FYN: variants seen among roughly 807,000 people sequenced by gnomAD.
FYN encodes the protein tyrosine-protein kinase Fyn.
Under a neutral mutation model 70.2 loss-of-function variants are expected in FYN, and 10 were observed. The ratio of observed to expected loss-of-function variants is 0.14; its 90% CI spans 0.09 to 0.24. FYN has a LOEUF of 0.24. Ranked by LOEUF, FYN falls within the 10% of genes least tolerant of loss-of-function variation. FYN has a pLI of 1.00. For synonymous variants in FYN, 236 were observed against 248.6 expected, an observed-to-expected ratio of 0.95 and a Z score of 0.48; for missense variants, 319 against 673.1, an observed-to-expected ratio of 0.47 and a Z score of 5.82.
In FYN at chr6:111,685,733, T is replaced by C. The variant is rs1320915048; in HGVS notation, c.1273+8642A>G. Among the ~76,000 whole-genome samples the C allele has an allele frequency of 2.0e-5, 3 of 152,204 alleles. No homozygotes were observed. The East Asian group carries it at 5.8e-4, about 29-fold the overall frequency. ...TGACCATCTGCTTCCTTCTTGATGA[T>C]TACCAAGAAACGTGGGCTGCACAGA... On this transcript the variant is annotated intron_variant, in intron 12 of 13. Coordinates refer to ENST00000354650, the MANE Select transcript of FYN (RefSeq NM_002037.5).
At chr6:111,828,724 A>G (rs892382927) in intron 2 of FYN, among the ~76,000 whole-genome samples, 1 of 152,250 alleles carries the variant, frequency 6.6e-6, no homozygotes, top group African/African-American at 2.4e-5. Flanking sequence ...GACAAAAAGT[A>G]GAACGGTGGT....
chr6:111,840,325 T>C (rs1212143174), intron 2 of FYN, among the ~76,000 whole-genome samples: 1 of 152,068 alleles, frequency 6.6e-6, no homozygotes, highest in Non-Finnish European at 1.5e-5. Context: ...ATCCCAGGTA[T>C]CCTTATAAGA....
chr6:111,745,688 C>G (rs6930674), intron 3 of FYN, among the ~76,000 whole-genome samples: 70,430 of 152,092 alleles, frequency 0.46, 16,505 homozygotes, highest in East Asian at 0.62. Context: ...TAACAACAGG[C>G]AGCATGTTCT....
chr6:111,835,765 T>C lies in FYN; in HGVS notation c.-82+10824A>G, dbSNP rs184904300. 8.6e-3 allele frequency among the ~76,000 whole-genome samples: 1,302 copies of C among 152,162 alleles called. 8 individuals are homozygous for C. The highest frequency in any genetic ancestry group is 0.024 in the Admixed American group (367 of 15,292). On this transcript the variant is annotated intron_variant, in intron 2 of 13. Coordinates refer to ENST00000354650, the MANE Select transcript of FYN (RefSeq NM_002037.5). Reference sequence around the variant, plus strand: ...AGCTGGTACTGATAACGCCTGGTACTGTGGCGTGCCTGGGCATCTAACAAA... The same window carrying C: ...AGCTGGTACTGATAACGCCTGGTACCGTGGCGTGCCTGGGCATCTAACAAA...
intron 9 of FYN, chr6:111,699,873 G>A (rs1176110396): frequency 2.1e-6 from 1 of 485,614 alleles, no homozygotes; most frequent in African/African-American, 2.1e-5. Context: ...TCATGTAATA[G>A]TACAACTTGA....
chr6:111,863,978 G>C (rs1774035138), intron 1 of FYN, among the ~76,000 whole-genome samples: 1 of 152,140 alleles, frequency 6.6e-6, no homozygotes, highest in South Asian at 2.1e-4. Flanking sequence ...GTTGTTCCCA[G>C]ATACAGAAAA....
In FYN at chr6:111,694,094, C is replaced by T. The variant is rs533984859; in HGVS notation, c.1273+281G>A. Among the ~76,000 whole-genome samples, 10 of 152,164 alleles carry T rather than the reference C, an allele frequency of 6.6e-5. No homozygotes were observed. The highest frequency in any genetic ancestry group is 4.1e-4 in the South Asian group (2 of 4,824). On this transcript the variant is annotated intron_variant, in intron 12 of 13. Transcript: ENST00000354650. This position sits in a 1 kb window ranked among gnomAD's most constrained non-coding sequence, Gnocchi z 5.0. ...AAAAACAGAGTATTCTAGGCCTGGA[C>T]GCTGTGAGGAGACCAGCATGAGCCA...
intron 3 of FYN, among the ~76,000 whole-genome samples, chr6:111,767,454 T>C (rs560013190): frequency 2.0e-5 from 3 of 152,284 alleles, no homozygotes; most frequent in Non-Finnish European, 4.4e-5. Flanking sequence ...CAGGCTGGAG[T>C]GCAGTGGCGC....
intron 2 of FYN, among the ~76,000 whole-genome samples, chr6:111,834,563 C>A (rs185070457): frequency 6.6e-6 from 1 of 152,260 alleles, no homozygotes; most frequent in East Asian, 1.9e-4. Flanking sequence ...TGCGTTTATC[C>A]AGGCTACTGC....
chr6:111,825,177 G>C (rs12174358), intron 2 of FYN, among the ~76,000 whole-genome samples: 6,319 of 152,292 alleles, frequency 0.041, 164 homozygotes, highest in East Asian at 0.14. Flanking sequence ...TCCCGAACAA[G>C]ACAAACATTC....
intron 3 of FYN, among the ~76,000 whole-genome samples, chr6:111,753,432 A>G (rs1463702672): frequency 6.6e-6 from 1 of 152,228 alleles, no homozygotes; most frequent in Non-Finnish European, 1.5e-5. Flanking sequence ...CAGGAGGCCT[A>G]AAATGGGGCT....
intron 1 of FYN, among the ~76,000 whole-genome samples, chr6:111,872,095 G>C (rs9387048): frequency 0.041 from 6,253 of 152,150 alleles, 137 homozygotes; most frequent in East Asian, 0.11. Context: ...CACCCGGCGA[G>C]TCTGTGTGAT....
intron 12 of FYN, 107 bp from the exon 13 acceptor site, chr6:111,674,737 G>C: frequency 1.6e-6 from 2 of 1,249,988 alleles, no homozygotes; most frequent in Non-Finnish European, 2.2e-6. Flanking sequence ...AGCAGGTTTA[G>C]AGGGGAAGAC....
chr6:111,719,752 A>G, intron 4 of FYN, 53 bp downstream of exon 4: 1 of 1,579,256 alleles, frequency 6.3e-7, no homozygotes, highest in Non-Finnish European at 8.6e-7. Flanking sequence ...CAATTGCCAA[A>G]AGATTTAAGG....
At chr6:111,836,646 T>C (rs962813133) in intron 2 of FYN, among the ~76,000 whole-genome samples, 1 of 152,086 alleles carries the variant, frequency 6.6e-6, no homozygotes, top group Non-Finnish European at 1.5e-5. Context: ...CAGGCACCTG[T>C]AGTCCCAGCT....
At chr6:111,729,113 T>C (rs928870379) in intron 3 of FYN, among the ~76,000 whole-genome samples, 4 of 152,308 alleles carry the variant, frequency 2.6e-5, no homozygotes, top group Non-Finnish European at 4.4e-5. Context: ...ACATTGCTGA[T>C]AGAAGACCAG....
At chr6:111,717,549 C>T (rs706893) in intron 4 of FYN, among the ~76,000 whole-genome samples, 3,592 of 152,146 alleles carry the variant, frequency 0.024, 148 homozygotes, top group African/African-American at 0.077. Context: ...GCAGCCTCCG[C>T]CTCCCGGGTT....
intron 1 of FYN, among the ~76,000 whole-genome samples, chr6:111,859,049 C>T (rs543410891): frequency 6.6e-6 from 1 of 152,074 alleles, no homozygotes; most frequent in Non-Finnish European, 1.5e-5. Flanking sequence ...CATTTTGGAA[C>T]TCTCCACTTC....
chr6:111,821,963 T>TA (rs199538166), intron 2 of FYN, among the ~76,000 whole-genome samples: 36,565 of 151,918 alleles, frequency 0.24, 7,768 homozygotes, highest in African/African-American at 0.58. Context: ...TGGTGATCAT[T>TA]AAAAAATCAG....
Sources: gnomAD v4.1 joint callset for allele counts (sites outside exome capture counted in the v4.1 genomes callset) on GRCh38, gnomAD v4.1.1 for gene constraint, Gnocchi (gnomAD v3.1) non-coding constraint, MANE v1.5 for transcripts, NCBI Gene and HGNC (gene_info 2026-07-23, HGNC 2026-07-21) for gene names.